MALRD1: variants seen among roughly 807,000 people sequenced by gnomAD.
The protein encoded by MALRD1 is MAM and LDL-receptor class A domain-containing protein 1.
A neutral mutation model predicts 242.1 loss-of-function variants in MALRD1; 247 were observed. The ratio of observed to expected loss-of-function variants is 1.02; its 90% CI spans 0.92 to 1.13. The LOEUF (loss-of-function observed/expected upper bound fraction) is 1.13. Ranked by LOEUF, MALRD1 falls within the 50% of genes most tolerant of loss-of-function variation. The pLI is 0.00. For missense variants in MALRD1, 2,989 were observed against 2,533.1 expected (o/e 1.18, Z -3.86); for synonymous variants, 995 against 866.6 (o/e 1.15, Z -2.60).
intron 13 of MALRD1, among the ~76,000 whole-genome samples, chr10:19,166,240 C>G (rs1239176656): frequency 6.6e-6 from 1 of 152,164 alleles, no homozygotes; most frequent in East Asian, 1.9e-4. Context: ...ATCCTATTGC[C>G]TCACTTTCTG....
intron 28 of MALRD1, among the ~76,000 whole-genome samples, chr10:19,449,203 A>G (rs1835172097): frequency 6.6e-6 from 1 of 152,292 alleles, no homozygotes; most frequent in South Asian, 2.1e-4. Context: ...TTTGAGGCAG[A>G]GTCTCACTCT....
intron 26 of MALRD1, among the ~76,000 whole-genome samples, chr10:19,373,535 A>G (rs1845478572): frequency 1.3e-5 from 2 of 151,998 alleles, no homozygotes. Flanking sequence ...AGAAAGAAAG[A>G]AAAGGAAGGA....
intron 18 of MALRD1, among the ~76,000 whole-genome samples, chr10:19,233,870 T>G (rs1344238704): frequency 6.6e-6 from 1 of 152,088 alleles, no homozygotes; most frequent in Non-Finnish European, 1.5e-5. Flanking sequence ...TGGGGGAGTG[T>G]TGCATTTGTA....
chr10:19,346,650 G>T (rs1445425190), intron 24 of MALRD1, among the ~76,000 whole-genome samples: 1 of 151,748 alleles, frequency 6.6e-6, no homozygotes, highest in African/African-American at 2.4e-5. Flanking sequence ...TCACTCATTG[G>T]TTTTTTGTTT....
chr10:19,087,290 T>C (rs1835701119), intron 2 of MALRD1, among the ~76,000 whole-genome samples: 2 of 152,090 alleles, frequency 1.3e-5, no homozygotes, highest in Admixed American at 1.3e-4. Flanking sequence ...CCTTTGTCTG[T>C]TAAATGTGAT....
chr10:19,364,254 A>T (rs979882081), intron 26 of MALRD1, among the ~76,000 whole-genome samples: 1 of 152,142 alleles, frequency 6.6e-6, no homozygotes. Flanking sequence ...TTTAATAACA[A>T]CTGACATGAT....
Position 19,176,600 on chromosome 10 carries a change from T to C in MALRD1, c.1951+1272T>C, listed in dbSNP as rs563257654. Among the ~76,000 whole-genome samples, 681 of 150,908 alleles carry C rather than the reference T, an allele frequency of 4.5e-3. 6 individuals are homozygous for C. Among genetic ancestry groups the C allele is most frequent in the Middle Eastern group, 0.017 (5 of 294 alleles). ...CTTGTTAGCCAGGATGGTCTCGATCTCCTGACCTCATGATCCACCCGCCTC... is the reference window on the plus strand; with the variant it reads ...CTTGTTAGCCAGGATGGTCTCGATCCCCTGACCTCATGATCCACCCGCCTC... On this transcript the variant is annotated intron_variant, in intron 14 of 39. Coordinates refer to ENST00000454679, the MANE Select transcript of MALRD1 (RefSeq NM_001142308.3).
At chr10:19,288,984 C>A (rs1313887511) in intron 21 of MALRD1, among the ~76,000 whole-genome samples, 1 of 152,012 alleles carries the variant, frequency 6.6e-6, no homozygotes, top group Non-Finnish European at 1.5e-5. Context: ...TTGGATCTCT[C>A]TTTTGTCATT....
chr10:19,576,644 TCAAA>T (rs1836840962), intron 33 of MALRD1, among the ~76,000 whole-genome samples: 1 of 152,180 alleles, frequency 6.6e-6, no homozygotes, highest in Non-Finnish European at 1.5e-5. Flanking sequence ...AATGATCCCA[TCAAA>T]CAGGATCATT....
intron 24 of MALRD1, among the ~76,000 whole-genome samples, chr10:19,336,564 A>T (rs1843622634): frequency 6.6e-6 from 1 of 152,216 alleles, no homozygotes; most frequent in African/African-American, 2.4e-5. Context: ...CTTCTGAATT[A>T]GGCTTGAGAT....
chr10:19,102,310 G>A (rs1275552941), intron 4 of MALRD1, among the ~76,000 whole-genome samples: 1 of 151,472 alleles, frequency 6.6e-6, no homozygotes, highest in African/African-American at 2.4e-5. Context: ...TCTTTGCCAG[G>A]CCTTTGCAAA....
chr10:19,465,842 T>C (rs1278669240), intron 29 of MALRD1, among the ~76,000 whole-genome samples: 1 of 152,190 alleles, frequency 6.6e-6, no homozygotes, highest in African/African-American at 2.4e-5. Flanking sequence ...CCAGAGTCTG[T>C]GGATATCTTT....
intron 31 of MALRD1, among the ~76,000 whole-genome samples, chr10:19,516,303 A>G (rs1416984305): frequency 3.3e-5 from 5 of 152,190 alleles, no homozygotes; most frequent in Admixed American, 6.5e-5. Context: ...TTTTCAGCCA[A>G]TGTAAGAGAA....
intron 26 of MALRD1, among the ~76,000 whole-genome samples, chr10:19,373,203 C>CAAAAAAAAAAAAAAAAA (rs374095193): frequency 0.021 from 2,422 of 114,216 alleles, 55 homozygotes; most frequent in East Asian, 0.053. Flanking sequence ...ACGCTAAATA[C>CAAAAAAAAAAAAAAAAA]AAAAAAAAAA....
chr10:19,063,677 A>G (rs1296927956), intron 1 of MALRD1, among the ~76,000 whole-genome samples: 1 of 151,880 alleles, frequency 6.6e-6, no homozygotes, highest in Non-Finnish European at 1.5e-5. Flanking sequence ...TTCTTAATCC[A>G]GTCTATCATT....
chr10:19,610,574 G>A (rs1838850808), intron 35 of MALRD1, among the ~76,000 whole-genome samples: 1 of 151,962 alleles, frequency 6.6e-6, no homozygotes, highest in Non-Finnish European at 1.5e-5. Context: ...CAAACTATGT[G>A]CAGATAATTG....
At chr10:19,275,539 G>C (rs1009432095) in intron 19 of MALRD1, among the ~76,000 whole-genome samples, 1 of 152,104 alleles carries the variant, frequency 6.6e-6, no homozygotes, top group Admixed American at 6.6e-5. Context: ...CGTGGTGGCG[G>C]GCGCCTGTAG....
At chr10:19,094,635 T>TCATTTCTTTTTCCTTC (rs1835953343) in intron 4 of MALRD1, among the ~76,000 whole-genome samples, 1 of 152,320 alleles carries the variant, frequency 6.6e-6, no homozygotes, top group Admixed American at 6.5e-5. Flanking sequence ...CTCTTTCCTT[T>TCATTTCTTTTTCCTTC]CATTTCTTTT....
intron 27 of MALRD1, chr10:19,389,146 T>G (rs1362459782): frequency 2.3e-6 from 1 of 443,624 alleles, no homozygotes; most frequent in African/African-American, 2.0e-5. Flanking sequence ...TTACAATCAC[T>G]TGGTAGTTTG....
Sources: gnomAD v4.1 joint callset for allele counts (sites outside exome capture counted in the v4.1 genomes callset) on GRCh38, gnomAD v4.1.1 for gene constraint, MANE v1.5 for transcripts, NCBI Gene and HGNC (gene_info 2026-07-23, HGNC 2026-07-21) for gene names.